Variants in TRIP10 observed in about 807,000 individuals in gnomAD.
TRIP10 encodes the protein thyroid hormone receptor interactor 10, also known as cdc42-interacting protein 4.
In TRIP10, 54 loss-of-function variants were observed where a neutral mutation model predicts 80.9. That is an observed-to-expected ratio of 0.67 (90% CI 0.54 to 0.84). The LOEUF is 0.84. Among genes scored for constraint, TRIP10 ranks in the 40% least tolerant of loss-of-function variants. TRIP10 has a pLI of 0.00. For synonymous variants in TRIP10, 321 were observed against 307.2 expected (o/e 1.04, Z -0.47); for missense variants, 773 against 815.3 (o/e 0.95, Z 0.63).
intron 3 of TRIP10, among the ~76,000 whole-genome samples, chr19:6,742,129 C>T (rs940037896): frequency 4.6e-5 from 7 of 151,622 alleles, no homozygotes; most frequent in African/African-American, 1.7e-4. Context: ...CAGTGGCTCA[C>T]ACCTGTAATC....
Position 6,751,226 on chromosome 19 carries a change from G to A in TRIP10, c.*15G>A, listed in dbSNP as rs374069312. The stretch of plus-strand genomic sequence containing the variant: ...CGCTCAATTGAACCCTGCCAGAGAC[G>A]GGAAGAGGGGGGCTGTCGGCTGCTG... On this transcript the variant is annotated 3_prime_UTR_variant, in exon 15 of 15. Transcript: ENST00000313244. 189 of 1,613,656 alleles carry A rather than the reference G, an allele frequency of 1.2e-4. 2 individuals are homozygous for A. The highest frequency in any genetic ancestry group is 9.2e-4 in the South Asian group (84 of 91,050).
Position 6,750,610 on chromosome 19 carries a change from G to T in TRIP10, c.1634G>T (p.Cys545Phe), listed in dbSNP as rs777791957. The change falls in exon 14 of 15, where the codon TGT becomes TTT. Residue 545 changes from cysteine (C) to phenylalanine (F), a missense_variant. By Grantham distance (205) the Cys-to-Phe change is radical (BLOSUM62 -2). Coordinates refer to ENST00000313244, the MANE Select transcript of TRIP10 (RefSeq NM_001288962.2). ...GAACCCACATCCCCCATAGGTCACTGTGTGGCCATCTACCACTTTGAAGGT... is the reference window on the plus strand; with the variant it reads ...GAACCCACATCCCCCATAGGTCACTTTGTGGCCATCTACCACTTTGAAGGT... ...EEEPTSPIGH[C>F]VAIYHFEGSS... 100 of 1,614,108 alleles carry T rather than the reference G, an allele frequency of 6.2e-5. No individual in the cohort carries two copies. Among genetic ancestry groups the T allele is most frequent in the Non-Finnish European group, 8.5e-5 (100 of 1,180,030 alleles).
rs76484414 is a variant in TRIP10, at chr19:6,751,485, A to G, written c.*274A>G. On this transcript the variant is annotated 3_prime_UTR_variant, in exon 15 of 15. Coordinates refer to ENST00000313244, the MANE Select transcript of TRIP10 (RefSeq NM_001288962.2). ...CCATTTTGTTTTATACAAAAATGGG[A>G]AAAAAAAAAAAGAAATTATATAAAG... 3.1e-4 allele frequency: 94 copies of G among 301,254 alleles called. No homozygotes were observed. The highest frequency in any genetic ancestry group is 1.1e-3 in the South Asian group (9 of 7,856). The allele number at this position is 301,254 out of a possible 1,614,324, so 18.7% of individuals were successfully genotyped here.
chr19:6,743,334 C>T, intron 5 of TRIP10, 78 bp downstream of exon 5: 1 of 1,581,360 alleles, frequency 6.3e-7, no homozygotes, highest in Non-Finnish European at 8.6e-7. Flanking sequence ...AGGGAGCTGC[C>T]CTCTTTGTCA....
Position 6,744,921 on chromosome 19 carries a change from C to T in TRIP10, c.911C>T (p.Ser304Leu), listed in dbSNP as rs200145903. ...APSDSSLGTPSDGRPELRGPG... is the reference protein window; with the variant it reads ...APSDSSLGTPLDGRPELRGPG... ...TCCGACAGCAGTCTGGGCACCCCCT[C>T]GGATGGACGGCCTGAACTCCGAGGC... The change falls in exon 9 of 15, where the codon TCG (serine) becomes TTG (leucine). Residue 304 changes from serine to leucine, a missense_variant. Transcript: ENST00000313244. The surrounding 1 kb of genome is among the most constrained non-coding windows in gnomAD (Gnocchi z 4.9). 119 of 1,614,178 alleles carry T rather than the reference C, an allele frequency of 7.4e-5. No individual in the cohort carries two copies. Among genetic ancestry groups the T allele is most frequent in the Middle Eastern group, 6.6e-4 (4 of 6,062 alleles).
At chr19:6,739,817 C>A in intron 1 of TRIP10, 32 bp downstream of exon 1, 1 of 1,448,494 alleles carries the variant, frequency 6.9e-7, no homozygotes. Context: ...CTAAGTTCCC[C>A]TTTGCTGGGG....
At chr19:6,740,465 G>C (rs956781942) in intron 1 of TRIP10, among the ~76,000 whole-genome samples, 1 of 152,236 alleles carries the variant, frequency 6.6e-6, no homozygotes, top group South Asian at 2.1e-4. Context: ...TAGTGCAGCG[G>C]GGGTAACCAG....
rs1969082654 is a variant in TRIP10, at chr19:6,745,299, T to G, written c.984+305T>G. On this transcript the variant is annotated intron_variant, in intron 9 of 14. Transcript: ENST00000313244. This position sits in a 1 kb window ranked among gnomAD's most constrained non-coding sequence, Gnocchi z 7.2. ...GCCTGAGGGCTGGTGACACCATCCCTGGGGACTCCCCGAGTTTCTCTCTCC... is the reference window on the plus strand; with the variant it reads ...GCCTGAGGGCTGGTGACACCATCCCGGGGGACTCCCCGAGTTTCTCTCTCC... The G allele has an allele frequency of 1.5e-5, 6 of 413,784 alleles. No homozygotes were observed. The South Asian group carries it at 2.2e-4, about 15-fold the overall frequency. The allele number at this position is 413,784 out of a possible 1,614,324, so 25.6% of individuals were successfully genotyped here. A position where few individuals can be genotyped will look rare whatever the true frequency, so the allele number is the denominator to read the frequency against.
Position 6,750,345 on chromosome 19 carries a change from G to T in TRIP10, c.1449G>T (p.Leu483=), listed in dbSNP as rs770168125. 4.3e-6 allele frequency: 7 copies of T among 1,614,092 alleles called. No individual in the cohort carries two copies. The South Asian group carries it at 6.6e-5, about 15-fold the overall frequency. The change falls in exon 13 of 15, where the codon CTG becomes CTT. Residue 483 remains leucine (L), a synonymous_variant. Transcript: ENST00000313244. ...TCCTTAGCAACCGGGGAGACAGCCT[G>T]AGCCGGCACGCCCGGCCTCCCGACC... is the stretch of plus-strand genomic sequence containing the variant. ...SRVLSNRGDS[L]SRHARPPDPP... is the part of the protein sequence containing the mutation.
In TRIP10 at chr19:6,751,372, G is replaced by C. The variant is rs1310298272; in HGVS notation, c.*161G>C. 1 of 1,411,066 alleles carries C rather than the reference G, an allele frequency of 7.1e-7. No homozygotes were observed. The highest frequency in any genetic ancestry group is 9.3e-7 in the Non-Finnish European group (1 of 1,073,882). 87.4% of individuals were successfully genotyped at this position (1,411,066 alleles called of 1,614,324 possible). A position where few individuals can be genotyped will look rare whatever the true frequency, so the allele number is the denominator to read the frequency against. Reference sequence around the variant, plus strand: ...CAACCCAGTCCTACCTGTCACACCGGACGGACCCGCTGTGCCTTCTACCAT... The same window carrying C: ...CAACCCAGTCCTACCTGTCACACCGCACGGACCCGCTGTGCCTTCTACCAT... On this transcript the variant is annotated 3_prime_UTR_variant, in exon 15 of 15. Transcript: ENST00000313244.
In TRIP10 at chr19:6,745,980, T is replaced by TGGGGGGGGGG; in HGVS notation, c.985-48_985-47insGGGGGGGGGG. ...CGTCCTCACTCTCTACATCCTCCTA[T>TGGGGGGGGGG]GCCCCCCCACCCCTTCAACCTATCC... is the stretch of plus-strand genomic sequence containing the variant. On this transcript the variant is annotated intron_variant, in intron 9 of 14. Coordinates refer to ENST00000313244, the MANE Select transcript of TRIP10 (RefSeq NM_001288962.2). The surrounding 1 kb of genome is among the most constrained non-coding windows in gnomAD (Gnocchi z 7.2). The TGGGGGGGGGG allele has an allele frequency of 1.0e-6, 1 of 1,001,464 alleles. No homozygotes were observed. Among genetic ancestry groups the TGGGGGGGGGG allele is most frequent in the Non-Finnish European group, 1.3e-6 (1 of 775,876 alleles). The allele number at this position is 1,001,464 out of a possible 1,614,324, so 62.0% of individuals were successfully genotyped here.
At position 6,746,892 on chromosome 19, in the gene TRIP10, C is replaced by T. The variant is rs1280017973; in HGVS notation, c.1262+331C>T. Among the ~76,000 whole-genome samples, 1 of 152,226 alleles carries T rather than the reference C, an allele frequency of 6.6e-6. No individual in the cohort carries two copies. Among genetic ancestry groups the T allele is most frequent in the Non-Finnish European group, 1.5e-5 (1 of 68,042 alleles). The stretch of plus-strand genomic sequence containing the variant: ...TCCTGGCCTCAGTTGATCTGCCTGC[C>T]TCAGCCTCCCATAGTGCTGGGATTA... On this transcript the variant is annotated intron_variant, in intron 11 of 14. Transcript: ENST00000313244. The surrounding 1 kb of genome is among the most constrained non-coding windows in gnomAD (Gnocchi z 6.2).
Position 6,750,504 on chromosome 19 carries a change from C to T in TRIP10, c.1536-8C>T. 6.2e-7 allele frequency: 1 copy of T among 1,614,018 alleles called. No individual in the cohort carries two copies. Among genetic ancestry groups the T allele is most frequent in the Admixed American group, 1.7e-5 (1 of 59,984 alleles). ...CCTGTCTTTATCTGCCGAATTATCC[C>T]CAAACAGCTCTGAAGAGCCTCCCTC... On this transcript the variant is annotated splice_polypyrimidine_tract_variant and splice_region_variant and intron_variant, in intron 13 of 14. Coordinates refer to ENST00000313244, the MANE Select transcript of TRIP10 (RefSeq NM_001288962.2).
In TRIP10 at chr19:6,746,584, G is replaced by A. The variant is rs749575315; in HGVS notation, c.1262+23G>A. The A allele has an allele frequency of 3.1e-5, 49 of 1,563,002 alleles. No individual in the cohort carries two copies. The highest frequency in any genetic ancestry group is 3.5e-6 in the Non-Finnish European group (4 of 1,133,844). On this transcript the variant is annotated intron_variant, in intron 11 of 14. Transcript: ENST00000313244. This position sits in a 1 kb window ranked among gnomAD's most constrained non-coding sequence, Gnocchi z 6.2. ...GAGGTAAGGTGGTGGGGTAGGGAAG[G>A]ACAGGCAAGGAACATGATAAAATAG...
chr19:6,740,329 G>C (rs1385746967), intron 1 of TRIP10, among the ~76,000 whole-genome samples: 1 of 152,172 alleles, frequency 6.6e-6, no homozygotes, highest in Non-Finnish European at 1.5e-5. Flanking sequence ...GCTCACCCCA[G>C]GCCCAGGGCG....
In TRIP10 at chr19:6,744,473, G is replaced by A. The variant is rs937261763; in HGVS notation, c.643-81G>A. On this transcript the variant is annotated intron_variant, in intron 7 of 14. Transcript: ENST00000313244. The surrounding 1 kb of genome is among the most constrained non-coding windows in gnomAD (Gnocchi z 4.9). ...TGGGGCTGGGGCCAGCGTGGAGCGC[G>A]ATCATATTTGCAGAGTGAATCACTG... 3.1e-5 allele frequency: 50 copies of A among 1,587,718 alleles called. No individual in the cohort carries two copies. Among genetic ancestry groups the A allele is most frequent in the East Asian group, 6.7e-5 (3 of 44,780 alleles).
At position 6,750,610 on chromosome 19, in the gene TRIP10, G is replaced by A. The variant is rs777791957; in HGVS notation, c.1634G>A (p.Cys545Tyr). The change falls in exon 14 of 15, where the codon TGT becomes TAT. Residue 545 changes from cysteine (C) to tyrosine (Y), a missense_variant. By Grantham distance (194) the Cys-to-Tyr change is radical. Coordinates refer to ENST00000313244, the MANE Select transcript of TRIP10 (RefSeq NM_001288962.2). ...EEEPTSPIGH[C>Y]VAIYHFEGSS... is the part of the protein sequence containing the mutation. Reference sequence around the variant, plus strand: ...GAACCCACATCCCCCATAGGTCACTGTGTGGCCATCTACCACTTTGAAGGT... The same window carrying A: ...GAACCCACATCCCCCATAGGTCACTATGTGGCCATCTACCACTTTGAAGGT... 1.2e-6 allele frequency: 2 copies of A among 1,614,226 alleles called. No homozygotes were observed. Among genetic ancestry groups the A allele is most frequent in the East Asian group, 2.2e-5 (1 of 44,888 alleles).
intron 11 of TRIP10, chr19:6,748,147 TA>T (rs1443308121): frequency 1.3e-5 from 2 of 151,730 alleles, no homozygotes; most frequent in Non-Finnish European, 2.9e-5. Context: ...ATATTGACAA[TA>T]AAAAAATCTG....
At position 6,741,050 on chromosome 19, in the gene TRIP10, T is replaced by A; in HGVS notation, c.65T>A (p.Leu22Gln). Residue 22 changes from leucine (L) to glutamine (Q), a missense_variant, in exon 2 of 15, where the codon CTG (leucine) becomes CAG (glutamine). Physicochemically the swap from Leu to Gln is moderately radical, Grantham distance 113. Transcript: ENST00000313244. Reference sequence around the variant, plus strand: ...CTCGAGCGCCACACGCAGTGGGGGCTGGACCTGTTGGACAGATATGTAAAG... The same window carrying A: ...CTCGAGCGCCACACGCAGTGGGGGCAGGACCTGTTGGACAGATATGTAAAG... ...EVLERHTQWG[L>Q]DLLDRYVKFV... 1 of 1,614,000 alleles carries A rather than the reference T, an allele frequency of 6.2e-7. No individual in the cohort carries two copies. Among genetic ancestry groups the A allele is most frequent in the Non-Finnish European group, 8.5e-7 (1 of 1,179,900 alleles).
Sources: gnomAD v4.1 joint callset for allele counts (sites outside exome capture counted in the v4.1 genomes callset) on GRCh38, gnomAD v4.1.1 for gene constraint, Gnocchi (gnomAD v3.1) non-coding constraint, MANE v1.5 for transcripts, NCBI Gene and HGNC (gene_info 2026-07-23, HGNC 2026-07-21) for gene names.